PSD3: variants seen among roughly 807,000 people sequenced by gnomAD.
PSD3 encodes the protein pleckstrin and Sec7 domain containing 3.
A neutral mutation model predicts 105.5 loss-of-function variants in PSD3; 49 were observed. The ratio of observed to expected loss-of-function variants is 0.46; its 90% CI spans 0.37 to 0.59. The LOEUF is 0.59. Among genes scored for constraint, PSD3 ranks in the 20% least tolerant of loss-of-function variants. The probability of loss-of-function intolerance (pLI) is 0.00; values close to 1 mark genes in which losing one functional copy is unlikely to be tolerated. For missense variants in PSD3, 1,561 were observed against 1,263.8 expected, an observed-to-expected ratio of 1.24 and a Z score of -3.57; for synonymous variants, 557 against 457.8, an observed-to-expected ratio of 1.22 and a Z score of -2.77.
intron 9 of PSD3, among the ~76,000 whole-genome samples, chr8:18,762,360 A>G (rs1806610853): frequency 6.6e-6 from 1 of 152,184 alleles, no homozygotes; most frequent in Non-Finnish European, 1.5e-5. Flanking sequence ...CCTAGAAGCC[A>G]AGCAGATGCC....
At chr8:18,948,688 AT>A (rs1563452929) in intron 1 of PSD3, among the ~76,000 whole-genome samples, 1 of 152,230 alleles carries the variant, frequency 6.6e-6, no homozygotes, top group Non-Finnish European at 1.5e-5. Flanking sequence ...TTGCATAAGC[AT>A]CAGCCTTAGT....
At chr8:18,839,408 C>G (rs1051829291) in intron 4 of PSD3, among the ~76,000 whole-genome samples, 1 of 152,110 alleles carries the variant, frequency 6.6e-6, no homozygotes, top group East Asian at 1.9e-4. Flanking sequence ...TGTAAAAGAT[C>G]TATTGTCCAA....
chr8:18,726,245 C>T (rs1278869598), intron 9 of PSD3, among the ~76,000 whole-genome samples: 1 of 152,220 alleles, frequency 6.6e-6, no homozygotes, highest in East Asian at 1.9e-4. Flanking sequence ...CCAGCCTACA[C>T]TGACATCGAT....
intron 1 of PSD3, among the ~76,000 whole-genome samples, chr8:19,061,855 C>T (rs2129477576): frequency 6.6e-6 from 1 of 152,018 alleles, no homozygotes; most frequent in East Asian, 1.9e-4. Flanking sequence ...ATGAACCCAG[C>T]TTAGAATGTT....
intron 9 of PSD3, among the ~76,000 whole-genome samples, chr8:18,658,991 C>T (rs1167065506): frequency 6.6e-6 from 1 of 152,168 alleles, no homozygotes; most frequent in East Asian, 1.9e-4. Flanking sequence ...CTAGTTATTT[C>T]TCCCAGCTCC....
chr8:19,048,432 A>G (rs1828400936), intron 1 of PSD3, among the ~76,000 whole-genome samples: 1 of 152,254 alleles, frequency 6.6e-6, no homozygotes, highest in Non-Finnish European at 1.5e-5. Flanking sequence ...GGTAAAAACC[A>G]TTAAGCTTGC....
rs759442645 is a variant in PSD3, at chr8:18,535,943, T to C, written c.2944A>G (p.Met982Val). ...YLEFEKTRYEMYVSILKEGGK... is the reference protein window; with the variant it reads ...YLEFEKTRYEVYVSILKEGGK... ...CCTTCCTTGAGAATGCTGACATACA[T>C]TTCATAGCGGGTTTTCTGAAGGCAA... Residue 982 changes from methionine (M) to valine (V), a missense_variant, in exon 16 of 16, where the codon ATG (methionine) becomes GTG (valine). Physicochemically the swap from Met to Val is conservative, Grantham distance 21. Coordinates refer to ENST00000327040, the MANE Select transcript of PSD3 (RefSeq NM_015310.4). 4.3e-6 allele frequency: 7 copies of C among 1,614,120 alleles called. No individual in the cohort carries two copies. The South Asian group carries it at 5.5e-5, about 13-fold the overall frequency.
intron 1 of PSD3, among the ~76,000 whole-genome samples, chr8:18,995,732 T>C (rs1286483656): frequency 3.3e-5 from 5 of 152,104 alleles, no homozygotes; most frequent in South Asian, 2.1e-4. Flanking sequence ...ACATCTTACA[T>C]AGTGGCAGGC....
chr8:18,888,242 G>A (rs973866469), intron 2 of PSD3, among the ~76,000 whole-genome samples: 3 of 152,126 alleles, frequency 2.0e-5, no homozygotes, highest in African/African-American at 7.2e-5. Flanking sequence ...ACAGCACCAG[G>A]GTAGTGGAAA....
intron 11 of PSD3, among the ~76,000 whole-genome samples, chr8:18,614,374 G>C (rs1445968905): frequency 3.8e-4 from 49 of 128,694 alleles, no homozygotes; most frequent in Non-Finnish European, 6.4e-4. Flanking sequence ...TCCTAAACTA[G>C]CATGTAGATG....
intron 4 of PSD3, chr8:18,808,809 G>T: frequency 6.2e-7 from 1 of 1,613,764 alleles, no homozygotes; most frequent in South Asian, 1.1e-5. Context: ...GGTGCGCCTG[G>T]ACCATCCTTC....
chr8:18,664,635 T>C (rs1809584729), intron 9 of PSD3, among the ~76,000 whole-genome samples: 1 of 152,214 alleles, frequency 6.6e-6, no homozygotes, highest in South Asian at 2.1e-4. Flanking sequence ...CTGATGAAGG[T>C]GGCTATACTA....
intron 1 of PSD3, among the ~76,000 whole-genome samples, chr8:19,052,111 G>A (rs918545139): frequency 6.6e-6 from 1 of 152,208 alleles, no homozygotes; most frequent in African/African-American, 2.4e-5. Flanking sequence ...CAAAGGTGGA[G>A]GCTGGAAGAG....
At chr8:19,041,435 G>C in intron 1 of PSD3, among the ~76,000 whole-genome samples, 1 of 152,204 alleles carries the variant, frequency 6.6e-6, no homozygotes, top group East Asian at 1.9e-4. Context: ...TGCACTTTGT[G>C]AAGATTAAGT....
chr8:18,839,562 G>A (rs564316596), intron 4 of PSD3, among the ~76,000 whole-genome samples: 4 of 152,192 alleles, frequency 2.6e-5, no homozygotes, highest in East Asian at 1.9e-4. Context: ...TCACAGAGGC[G>A]GCCTACTTTA....
intron 9 of PSD3, among the ~76,000 whole-genome samples, chr8:18,669,306 G>T (rs535709329): frequency 2.6e-4 from 40 of 152,292 alleles, no homozygotes; most frequent in Admixed American, 2.5e-3. Context: ...ATGAAACCAC[G>T]AATGGGACCA....
intron 10 of PSD3, among the ~76,000 whole-genome samples, chr8:18,640,899 G>A (rs1331692766): frequency 1.3e-5 from 2 of 152,148 alleles, no homozygotes; most frequent in East Asian, 3.9e-4. Context: ...GCCTTACTAT[G>A]TGGCAAACCC....
intron 11 of PSD3, among the ~76,000 whole-genome samples, chr8:18,601,362 G>C (rs1804428869): frequency 1.3e-5 from 2 of 151,814 alleles, no homozygotes; most frequent in African/African-American, 2.4e-5. Context: ...AATAGACAGG[G>C]AGAGCCATTT....
chr8:18,976,803 T>C (rs747618906), intron 1 of PSD3, among the ~76,000 whole-genome samples: 2 of 152,180 alleles, frequency 1.3e-5, no homozygotes, highest in Admixed American at 6.5e-5. Context: ...AGTATGACAA[T>C]ATTGCCGCAT....
Sources: gnomAD v4.1 joint callset for allele counts (sites outside exome capture counted in the v4.1 genomes callset) on GRCh38, gnomAD v4.1.1 for gene constraint, MANE v1.5 for transcripts, NCBI Gene and HGNC (gene_info 2026-07-23, HGNC 2026-07-21) for gene names.